Variants in PIK3C2G observed in about 807,000 individuals in gnomAD.
The protein encoded by PIK3C2G is phosphatidylinositol-4-phosphate 3-kinase catalytic subunit type 2 gamma.
PIK3C2G carries 168 observed loss-of-function variants against 181.1 expected under a neutral mutation model. That is an observed-to-expected ratio of 0.93 (90% CI 0.82 to 1.05). The LOEUF (loss-of-function observed/expected upper bound fraction) is 1.05. PIK3C2G is among the 50% of genes least tolerant of loss of function. PIK3C2G has a pLI of 0.00. For synonymous variants in PIK3C2G, 573 were observed against 592.2 expected, an observed-to-expected ratio of 0.97 and a Z score of 0.47; for missense variants, 1,869 against 1,732.8, an observed-to-expected ratio of 1.08 and a Z score of -1.40.
At chr12:18,597,878 T>C (rs1401059132) in intron 30 of PIK3C2G, among the ~76,000 whole-genome samples, 2 of 152,116 alleles carry the variant, frequency 1.3e-5, no homozygotes, top group African/African-American at 4.8e-5. Context: ...AGCCAAATCA[T>C]GAGTGAACTC....
chr12:18,339,542 T>C (rs1591998111), intron 9 of PIK3C2G, among the ~76,000 whole-genome samples: 2 of 152,256 alleles, frequency 1.3e-5, no homozygotes, highest in African/African-American at 4.8e-5. Context: ...ACATTCTCTA[T>C]CTGCATGGTA....
At chr12:18,335,355 T>C (rs1037223826) in intron 8 of PIK3C2G, among the ~76,000 whole-genome samples, 2 of 152,158 alleles carry the variant, frequency 1.3e-5, no homozygotes, top group Admixed American at 1.3e-4. Flanking sequence ...GCATCACTGT[T>C]GGAGCTACTG....
intron 11 of PIK3C2G, among the ~76,000 whole-genome samples, chr12:18,360,732 A>G (rs1266333699): frequency 6.6e-6 from 1 of 152,148 alleles, no homozygotes; most frequent in African/African-American, 2.4e-5. Flanking sequence ...AAATACACTA[A>G]TAATCTTACG....
At chr12:18,541,396 C>T (rs1205337412) in intron 25 of PIK3C2G, among the ~76,000 whole-genome samples, 2 of 151,806 alleles carry the variant, frequency 1.3e-5, no homozygotes, top group Non-Finnish European at 2.9e-5. Flanking sequence ...GGCTGAGTTC[C>T]CGAAAATAAA....
At chr12:18,487,275 A>G (rs548625094) in intron 18 of PIK3C2G, among the ~76,000 whole-genome samples, 1 of 152,048 alleles carries the variant, frequency 6.6e-6, no homozygotes, top group Non-Finnish European at 1.5e-5. Context: ...AAAACTGCAA[A>G]CTCATTCAAC....
chr12:18,291,047 A>G (rs920912746), intron 4 of PIK3C2G, 35 bp downstream of exon 4: 65 of 1,410,354 alleles, frequency 4.6e-5, no homozygotes, highest in Non-Finnish European at 6.1e-5. Flanking sequence ...ACAAATCTAT[A>G]CAAAGCTGGT....
rs558938044 is a variant in PIK3C2G at position 18,422,319 on chromosome 12, T to A, written c.2409+1285T>A. Among the ~76,000 whole-genome samples, 1,114 of 138,912 alleles carry A rather than the reference T, an allele frequency of 8.0e-3. 15 individuals carry two copies. The highest frequency in any genetic ancestry group is 0.027 in the African/African-American group (1,078 of 39,456). 91.1% of individuals were successfully genotyped at this position (138,912 alleles called of 152,430 possible). The stretch of plus-strand genomic sequence containing the variant: ...AAATAGATAATGTGACTAGAAAAAT[T>A]TAAAAAAAAAACACTGGAAGAATTT... On this transcript the variant is annotated intron_variant, in intron 17 of 32. Coordinates refer to ENST00000538779, the MANE Select transcript of PIK3C2G (RefSeq NM_001288772.2).
chr12:18,646,117 G>C (rs1227929967), intron 32 of PIK3C2G, among the ~76,000 whole-genome samples: 1 of 152,134 alleles, frequency 6.6e-6, no homozygotes, highest in Non-Finnish European at 1.5e-5. Flanking sequence ...AGGGTTCTGA[G>C]ATTTTTTAAG....
the PIK3C2G span, among the ~76,000 whole-genome samples, chr12:18,703,384 T>C: frequency 1.3e-5 from 2 of 152,210 alleles, no homozygotes; most frequent in East Asian, 1.9e-4. Flanking sequence ...GAAGTAAAAT[T>C]TGAAGATCTT....
At chr12:18,406,758 A>G (rs1024009005) in intron 16 of PIK3C2G, among the ~76,000 whole-genome samples, 1 of 152,172 alleles carries the variant, frequency 6.6e-6, no homozygotes, top group African/African-American at 2.4e-5. Flanking sequence ...TCTTCCTCTC[A>G]GGTGAGAGGG....
chr12:18,636,809 C>G (rs903619880), intron 31 of PIK3C2G, among the ~76,000 whole-genome samples: 1 of 152,082 alleles, frequency 6.6e-6, no homozygotes, highest in South Asian at 2.1e-4. Flanking sequence ...TCTCTGAAAT[C>G]CCCCCAGTGA....
intron 29 of PIK3C2G, among the ~76,000 whole-genome samples, chr12:18,586,691 A>G (rs1259537371): frequency 1.3e-5 from 2 of 152,182 alleles, no homozygotes; most frequent in Non-Finnish European, 1.5e-5. Context: ...AAAATTGAGA[A>G]GAGACTTTTC....
chr12:18,484,421 T>C (rs1366869653), intron 18 of PIK3C2G, among the ~76,000 whole-genome samples: 5 of 152,206 alleles, frequency 3.3e-5, no homozygotes, highest in Non-Finnish European at 7.3e-5. Context: ...TCTAAAAATA[T>C]ATACAACATC....
At chr12:18,448,744 A>T (rs2135872896) in intron 18 of PIK3C2G, among the ~76,000 whole-genome samples, 1 of 152,062 alleles carries the variant, frequency 6.6e-6, no homozygotes, top group South Asian at 2.1e-4. Flanking sequence ...TTGTATCATT[A>T]TATATATAAT....
chr12:18,423,824 T>A, intron 17 of PIK3C2G, 121 bp from the exon 18 acceptor site: 2 of 650,028 alleles, frequency 3.1e-6, no homozygotes, highest in Admixed American at 4.8e-5. Context: ...AATGTGTTAT[T>A]AGCATTTTGT....
chr12:18,410,237 C>G (rs145217343), intron 16 of PIK3C2G, among the ~76,000 whole-genome samples: 1 of 152,160 alleles, frequency 6.6e-6, no homozygotes, highest in Admixed American at 6.5e-5. Flanking sequence ...TAGTGGCTCA[C>G]GCCTATAATC....
intron 24 of PIK3C2G, among the ~76,000 whole-genome samples, chr12:18,533,996 C>T (rs1943704635): frequency 8.0e-6 from 1 of 125,194 alleles, no homozygotes; most frequent in Non-Finnish European, 1.6e-5. Flanking sequence ...GTCTCCCAGG[C>T]TGGAGTGCAG....
the PIK3C2G span, among the ~76,000 whole-genome samples, chr12:18,684,990 TAA>T: frequency 6.6e-6 from 1 of 152,046 alleles, no homozygotes; most frequent in Non-Finnish European, 1.5e-5. Context: ...ACCATGATTC[TAA>T]GTTTCCTGAG....
intron 32 of PIK3C2G, among the ~76,000 whole-genome samples, chr12:18,646,389 A>G (rs1053566446): frequency 6.6e-6 from 1 of 152,198 alleles, no homozygotes; most frequent in Admixed American, 6.6e-5. Flanking sequence ...GAACACTCAC[A>G]TGGATCAGGG....
Sources: allele counts gnomAD v4.1 joint callset (sites outside exome capture counted in the v4.1 genomes callset), GRCh38; gene constraint gnomAD v4.1.1; transcripts MANE v1.5; gene names NCBI Gene and HGNC (gene_info 2026-07-23, HGNC 2026-07-21).